Variants in CD22 observed in about 807,000 individuals in gnomAD.
CD22 encodes CD22 molecule, also known as B-cell receptor CD22.
CD22 carries 51 observed loss-of-function variants against 94.7 expected under a neutral mutation model. The ratio of observed to expected loss-of-function variants is 0.54; its 90% CI spans 0.43 to 0.68. CD22 has a LOEUF of 0.68. Ranked by LOEUF, CD22 falls within the 30% of genes least tolerant of loss-of-function variation. The probability of loss-of-function intolerance (pLI) is 0.00; values close to 1 mark genes in which losing one functional copy is unlikely to be tolerated. For synonymous variants in CD22, 424 were observed against 422.5 expected, an observed-to-expected ratio of 1.00 and a Z score of -0.04; for missense variants, 931 against 1,060.4, an observed-to-expected ratio of 0.88 and a Z score of 1.69.
At chr19:35,343,099 ATTT>A (rs762734941) in intron 9 of CD22, among the ~76,000 whole-genome samples, 9 of 132,928 alleles carry the variant, frequency 6.8e-5, no homozygotes, top group South Asian at 2.4e-4. Context: ...CACCCGGCTG[ATTT>A]TTTTTTTTTT....
At chr19:35,338,983 C>T (rs2145664429) in intron 6 of CD22, among the ~76,000 whole-genome samples, 1 of 151,610 alleles carries the variant, frequency 6.6e-6, no homozygotes, top group East Asian at 2.0e-4. Flanking sequence ...GCCTGCAATC[C>T]CAGCTCTTTA....
At position 35,337,627 on chromosome 19, in the gene CD22, AG is replaced by A; in HGVS notation, c.719-126del. 1 of 780,612 alleles carries A rather than the reference AG, an allele frequency of 1.3e-6. No homozygotes were observed. Among genetic ancestry groups the A allele is most frequent in the Non-Finnish European group, 2.0e-6 (1 of 499,360 alleles). 48.4% of individuals were successfully genotyped at this position (780,612 alleles called of 1,614,324 possible). On this transcript the variant is annotated intron_variant, in intron 4 of 13. Coordinates refer to ENST00000085219, the MANE Select transcript of CD22 (RefSeq NM_001771.4). This position sits in a 1 kb window ranked among gnomAD's most constrained non-coding sequence, Gnocchi z 4.4. ...GGGGGAAGCTGAGAGCCGAGTTAGG[AG>A]GCTGTGACCATCACCTGGGTGAAGG...
intron 3 of CD22, among the ~76,000 whole-genome samples, chr19:35,333,534 T>TC (rs1266601991): frequency 6.6e-6 from 1 of 152,146 alleles, no homozygotes; most frequent in Non-Finnish European, 1.5e-5. Flanking sequence ...TTACTTTTTT[T>TC]CCTCTTCTTT....
chr19:35,343,770 A>G (rs1363972312), intron 9 of CD22, among the ~76,000 whole-genome samples: 1 of 152,188 alleles, frequency 6.6e-6, no homozygotes, highest in Non-Finnish European at 1.5e-5. Context: ...CGAACAAACA[A>G]AACAATAACA....
At chr19:35,340,283 G>A (rs569087965) in intron 6 of CD22, among the ~76,000 whole-genome samples, 12 of 151,142 alleles carry the variant, frequency 7.9e-5, no homozygotes, top group Admixed American at 5.3e-4. Flanking sequence ...CACCCACCCC[G>A]CACTGCCTCT....
At chr19:35,346,030 G>A in intron 12 of CD22, 121 bp from the exon 13 acceptor site, 1 of 752,014 alleles carries the variant, frequency 1.3e-6, no homozygotes, top group Middle Eastern at 2.3e-4. Context: ...GCACTGGGGA[G>A]GCCACAGGTT....
intron 6 of CD22, among the ~76,000 whole-genome samples, chr19:35,339,676 C>T (rs1411062015): frequency 6.6e-6 from 1 of 152,006 alleles, no homozygotes; most frequent in African/African-American, 2.4e-5. Flanking sequence ...GCCAACATGG[C>T]GAAACCCTGT....
In CD22 at chr19:35,345,378, G is replaced by A. The variant is rs142469935; in HGVS notation, c.2209-224G>A. 2.9e-5 allele frequency: 15 copies of A among 522,926 alleles called. No homozygotes were observed. The East Asian group carries it at 2.9e-4, about 10-fold the overall frequency. The allele number at this position is 522,926 out of a possible 1,614,324, so 32.4% of individuals were successfully genotyped here. A position where few individuals can be genotyped will look rare whatever the true frequency, so the allele number is the denominator to read the frequency against. ...AGAGGTTGCAGTGAGCCAAGATTGC[G>A]CCATTGCACTCCAGCCTGGGTGACA... On this transcript the variant is annotated intron_variant, in intron 11 of 13. Coordinates refer to ENST00000085219, the MANE Select transcript of CD22 (RefSeq NM_001771.4).
At chr19:35,345,831 T>C (rs1311179304) in intron 12 of CD22, 111 bp downstream of exon 12, 1 of 789,106 alleles carries the variant, frequency 1.3e-6, no homozygotes, top group African/African-American at 1.7e-5. Flanking sequence ...CCCTGATACA[T>C]GCTCTGCCTC....
intron 9 of CD22, 92 bp downstream of exon 9, chr19:35,342,057 T>TTCCTTCCTTC (rs1568490226): frequency 0.01 from 7,523 of 752,222 alleles, 161 homozygotes; most frequent in Non-Finnish European, 0.012. Flanking sequence ...TTCCTTCCTT[T>TTCCTTCCTTC]CTTTCTCTCT....
Position 35,341,280 on chromosome 19 carries a change from A to AGCAAAAG in CD22, c.1508-62_1508-61insCAAAAGG. 6.3e-7 allele frequency: 1 copy of AGCAAAAG among 1,595,682 alleles called. No individual in the cohort carries two copies. The highest frequency in any genetic ancestry group is 8.6e-7 in the Non-Finnish European group (1 of 1,169,102). Reference sequence around the variant, plus strand: ...CTGGCGTCAGGGCCAAGGGGAGGGGAGGCCTGGGGACAGCAAAAGGGACAG... The same window carrying AGCAAAAG: ...CTGGCGTCAGGGCCAAGGGGAGGGGAGCAAAAGGGCCTGGGGACAGCAAAAGGGACAG... On this transcript the variant is annotated intron_variant, in intron 7 of 13. Coordinates refer to ENST00000085219, the MANE Select transcript of CD22 (RefSeq NM_001771.4). The surrounding 1 kb of genome is among the most constrained non-coding windows in gnomAD (Gnocchi z 4.0).
At chr19:35,331,907 C>T (rs759465089) in intron 1 of CD22, 112 bp from the exon 2 acceptor site, 1 of 1,579,576 alleles carries the variant, frequency 6.3e-7, no homozygotes, top group East Asian at 2.2e-5. Context: ...TGCAACCAGA[C>T]CCGGTCCTCC....
In CD22 at chr19:35,337,207, C is replaced by A. The variant is rs147025113; in HGVS notation, c.719-548C>A. The stretch of plus-strand genomic sequence containing the variant: ...TGAGCTGAGATCGCACCACTGCACT[C>A]CAACCTGGGTGACGAGTGAGACTCC... On this transcript the variant is annotated intron_variant, in intron 4 of 13. Coordinates refer to ENST00000085219, the MANE Select transcript of CD22 (RefSeq NM_001771.4). This position sits in a 1 kb window ranked among gnomAD's most constrained non-coding sequence, Gnocchi z 4.4. Among the ~76,000 whole-genome samples the A allele has an allele frequency of 4.6e-5, 7 of 151,722 alleles. No homozygotes were observed. The highest frequency in any genetic ancestry group is 4.6e-4 in the Admixed American group (7 of 15,232).
At chr19:35,333,272 G>A (rs913122175) in intron 3 of CD22, among the ~76,000 whole-genome samples, 2 of 152,100 alleles carry the variant, frequency 1.3e-5, no homozygotes, top group Non-Finnish European at 2.9e-5. Flanking sequence ...TAGTGGGGTG[G>A]GTCTGCATGT....
At chr19:35,345,255 A>G in intron 11 of CD22, 129 bp downstream of exon 11, 1 of 769,352 alleles carries the variant, frequency 1.3e-6, no homozygotes, top group South Asian at 1.5e-5. Flanking sequence ...CTGTCTCTAC[A>G]AAAAATATTT....
chr19:35,346,800 G>GCGCA lies in CD22; in HGVS notation c.*104_*105insGCAC. On this transcript the variant is annotated 3_prime_UTR_variant, in exon 14 of 14. Transcript: ENST00000085219. ...ATGGCTTCCTCCTGCGCGCATGTGC[G>GCGCA]CACACACACACACACACGCACACAC... 2 of 907,856 alleles carry GCGCA rather than the reference G, an allele frequency of 2.2e-6. No individual in the cohort carries two copies. The highest frequency in any genetic ancestry group is 1.7e-5 in the African/African-American group (1 of 57,560). 56.2% of individuals were successfully genotyped at this position (907,856 alleles called of 1,614,324 possible).
Position 35,341,682 on chromosome 19 carries a change from TC to T in CD22, c.1772-15del. The T allele has an allele frequency of 1.9e-6, 3 of 1,605,526 alleles. No individual in the cohort carries two copies. Among genetic ancestry groups the T allele is most frequent in the Non-Finnish European group, 2.6e-6 (3 of 1,175,990 alleles). On this transcript the variant is annotated intron_variant, in intron 8 of 13. Transcript: ENST00000085219. The surrounding 1 kb of genome is among the most constrained non-coding windows in gnomAD (Gnocchi z 4.0). The stretch of plus-strand genomic sequence containing the variant: ...TGCCTGGTAGTGACTTCGCACCCCC[TC>T]CCCCTGCCCGCCATGCAGATGCACC...
In CD22 at chr19:35,337,036, G is replaced by A. The variant is rs1029910965; in HGVS notation, c.718+695G>A. Among the ~76,000 whole-genome samples the A allele has an allele frequency of 4.6e-5, 7 of 152,052 alleles. No individual in the cohort carries two copies. Among genetic ancestry groups the A allele is most frequent in the African/African-American group, 1.4e-4 (6 of 41,396 alleles). On this transcript the variant is annotated intron_variant, in intron 4 of 13. Transcript: ENST00000085219. This position sits in a 1 kb window ranked among gnomAD's most constrained non-coding sequence, Gnocchi z 4.4. ...GGGGGGATCACAAGGTCAGGAGATC[G>A]AGACCATCCTGGCTAACATGGTGAA...
chr19:35,333,693 A>AG (rs1410063318), intron 3 of CD22, among the ~76,000 whole-genome samples: 4 of 152,128 alleles, frequency 2.6e-5, no homozygotes, highest in Non-Finnish European at 5.9e-5. Context: ...CTAGGATCAC[A>AG]GGTGCATGCC....
Sources: gnomAD v4.1 joint callset for allele counts (sites outside exome capture counted in the v4.1 genomes callset) on GRCh38, gnomAD v4.1.1 for gene constraint, Gnocchi (gnomAD v3.1) non-coding constraint, MANE v1.5 for transcripts, NCBI Gene and HGNC (gene_info 2026-07-23, HGNC 2026-07-21) for gene names.